FSD1L: variants seen among roughly 807,000 people sequenced by gnomAD.
FSD1L encodes the protein FSD1-like protein.
A neutral mutation model predicts 71.6 loss-of-function variants in FSD1L; 45 were observed. The ratio of observed to expected loss-of-function variants is 0.63; its 90% CI spans 0.49 to 0.81. The LOEUF is 0.81. Among genes scored for constraint, FSD1L ranks in the 30% least tolerant of loss-of-function variants. The probability of loss-of-function intolerance (pLI) is 0.00; values close to 1 mark genes in which losing one functional copy is unlikely to be tolerated. For synonymous variants in FSD1L, 197 were observed against 207.2 expected, an observed-to-expected ratio of 0.95 and a Z score of 0.42; for missense variants, 561 against 618.1, an observed-to-expected ratio of 0.91 and a Z score of 0.98.
intron 7 of FSD1L, among the ~76,000 whole-genome samples, chr9:105,492,134 C>G (rs1832987442): frequency 2.0e-5 from 3 of 151,924 alleles, no homozygotes; most frequent in Admixed American, 1.3e-4. Flanking sequence ...GTCCTGGACT[C>G]TTTTTGGTTG....
intron 7 of FSD1L, among the ~76,000 whole-genome samples, chr9:105,488,910 A>G (rs1243829879): frequency 2.6e-5 from 4 of 151,692 alleles, no homozygotes; most frequent in Non-Finnish European, 4.4e-5. Flanking sequence ...GATACTGCTA[A>G]CACAAACCGT....
intron 13 of FSD1L, among the ~76,000 whole-genome samples, chr9:105,539,734 C>A (rs1322106024): frequency 6.6e-6 from 1 of 152,088 alleles, no homozygotes; most frequent in African/African-American, 2.4e-5. Flanking sequence ...AATTTACTTC[C>A]TTTTCAGTTT....
intron 6 of FSD1L, 137 bp downstream of exon 6, chr9:105,479,513 G>C (rs964021297): frequency 4.3e-6 from 3 of 697,578 alleles, no homozygotes; most frequent in Non-Finnish European, 4.6e-6. Flanking sequence ...AATGTCCTCT[G>C]TGTATTTTCT....
upstream of FSD1L, among the ~76,000 whole-genome samples, chr9:105,443,665 C>T (rs748276480): frequency 5.9e-5 from 9 of 152,132 alleles, no homozygotes; most frequent in Non-Finnish European, 1.3e-4. Flanking sequence ...GGCATGGTGG[C>T]TCATGCCTAT....
upstream of FSD1L, among the ~76,000 whole-genome samples, chr9:105,444,422 C>T (rs1588888418): frequency 6.6e-6 from 1 of 152,304 alleles, no homozygotes; most frequent in Non-Finnish European, 1.5e-5. Flanking sequence ...ACTGCTGACT[C>T]CATGCTGATG....
chr9:105,450,205 T>A (rs574712881), intron 1 of FSD1L, among the ~76,000 whole-genome samples: 1 of 152,332 alleles, frequency 6.6e-6, no homozygotes, highest in African/African-American at 2.4e-5. Flanking sequence ...AAGACAGTAG[T>A]ACACCCCAGA....
At chr9:105,494,615 T>C (rs1833218060) in intron 7 of FSD1L, among the ~76,000 whole-genome samples, 1 of 152,234 alleles carries the variant, frequency 6.6e-6, no homozygotes, top group Admixed American at 6.5e-5. Context: ...TTCTGTTTTT[T>C]CCCCATCTTT....
At chr9:105,481,058 G>T (rs926908240) in intron 6 of FSD1L, among the ~76,000 whole-genome samples, 1 of 150,426 alleles carries the variant, frequency 6.6e-6, no homozygotes, top group Admixed American at 6.7e-5. Context: ...TGAAGCTTGG[G>T]TTTTTTGCGT....
intron 5 of FSD1L, chr9:105,472,941 T>C (rs1310149059): frequency 6.6e-6 from 1 of 152,236 alleles, no homozygotes; most frequent in Non-Finnish European, 1.5e-5. Context: ...AGCTTACTAA[T>C]GCACATAGGT....
At chr9:105,499,702 C>T (rs1833650362) in intron 7 of FSD1L, among the ~76,000 whole-genome samples, 1 of 151,292 alleles carries the variant, frequency 6.6e-6, no homozygotes, top group Non-Finnish European at 1.5e-5. Flanking sequence ...CCCTGAGCAT[C>T]CTAGATCTGT....
chr9:105,453,041 GTTGTTTTTTTTT>G (rs1830141745), intron 1 of FSD1L, among the ~76,000 whole-genome samples: 1 of 110,606 alleles, frequency 9.0e-6, no homozygotes, highest in African/African-American at 3.9e-5. Context: ...CTGACCTAAA[GTTGTTTTTTTTT>G]TTTTTTTTTT....
chr9:105,539,185 G>T (rs1353535282), intron 12 of FSD1L, 78 bp from the exon 13 acceptor site: 5 of 664,506 alleles, frequency 7.5e-6, no homozygotes, highest in Non-Finnish European at 1.2e-5. Flanking sequence ...ATTACTTTTT[G>T]CATGATTATG....
chr9:105,465,551 A>G (rs1831002673), intron 3 of FSD1L, among the ~76,000 whole-genome samples: 1 of 152,204 alleles, frequency 6.6e-6, no homozygotes, highest in Admixed American at 6.5e-5. Context: ...TAAAAAGATC[A>G]TTTACCATGA....
At chr9:105,535,023 A>G (rs751994803) in intron 11 of FSD1L, 44 bp from the exon 12 acceptor site, 5 of 1,546,986 alleles carry the variant, frequency 3.2e-6, no homozygotes, top group Admixed American at 2.0e-5. Flanking sequence ...TGTGTGACTC[A>G]TAAGGAAGAG....
At chr9:105,523,081 C>G (rs1835285039) in intron 10 of FSD1L, 2 of 1,614,130 alleles carry the variant, frequency 1.2e-6, no homozygotes, top group Non-Finnish European at 1.7e-6. Flanking sequence ...GATGTGGATT[C>G]AGGTTCTGGC....
chr9:105,514,902 C>T (rs1285852676), intron 10 of FSD1L, among the ~76,000 whole-genome samples: 1 of 152,130 alleles, frequency 6.6e-6, no homozygotes, highest in Non-Finnish European at 1.5e-5. Flanking sequence ...GATACTAAAA[C>T]AGAGTGGAGA....
upstream of FSD1L, among the ~76,000 whole-genome samples, chr9:105,443,039 A>G (rs1829568196): frequency 6.6e-6 from 1 of 152,186 alleles, no homozygotes. Context: ...CAGTTGCTTT[A>G]GTTGTGTCTC....
intron 12 of FSD1L, among the ~76,000 whole-genome samples, chr9:105,535,709 A>C (rs1284886923): frequency 4.6e-5 from 7 of 152,168 alleles, no homozygotes; most frequent in African/African-American, 1.4e-4. Flanking sequence ...CCCATTTTAC[A>C]TGATGTGATT....
intron 1 of FSD1L, among the ~76,000 whole-genome samples, chr9:105,459,204 A>G (rs1269401665): frequency 6.6e-6 from 1 of 152,222 alleles, no homozygotes; most frequent in Non-Finnish European, 1.5e-5. Flanking sequence ...AGCTAGGGTC[A>G]AGTTTCAGAA....
Sources: gnomAD v4.1 joint callset for allele counts (sites outside exome capture counted in the v4.1 genomes callset) on GRCh38, gnomAD v4.1.1 for gene constraint, MANE v1.5 for transcripts, NCBI Gene and HGNC (gene_info 2026-07-23, HGNC 2026-07-21) for gene names.